SAA4: variants seen among roughly 807,000 people sequenced by gnomAD.
SAA4 encodes the protein serum amyloid A4, constitutive.
Under a neutral mutation model 11.2 loss-of-function variants are expected in SAA4, and 8 were observed. The observed-to-expected ratio is 0.71, with a 90% confidence interval of 0.42 to 1.29. The LOEUF (loss-of-function observed/expected upper bound fraction) is 1.29, where lower values mean the gene tolerates loss of function less well. SAA4 is among the 50% of genes most tolerant of loss of function. The pLI is 0.01. For missense variants in SAA4, 171 were observed against 164.2 expected (o/e 1.04, Z -0.23); for synonymous variants, 60 against 56.2 (o/e 1.07, Z -0.30).
rs1262176858 is a variant in SAA4 at position 18,235,948 on chromosome 11, CA to C, written c.-4-19del. The C allele has an allele frequency of 6.3e-7, 1 of 1,597,666 alleles. No homozygotes were observed. The highest frequency in any genetic ancestry group is 8.5e-7 in the Non-Finnish European group (1 of 1,171,756). ...TCATTGTGCTGAAGAGAAAGAAAGA[CA>C]GGGGCAGAGGATCATAAAAAAAAAC... On this transcript the variant is annotated intron_variant, in intron 1 of 3. Coordinates refer to ENST00000278222, the MANE Select transcript of SAA4 (RefSeq NM_006512.4).
At chr11:18,236,427 A>G (rs1365224443) in intron 1 of SAA4, among the ~76,000 whole-genome samples, 1 of 152,172 alleles carries the variant, frequency 6.6e-6, no homozygotes, top group East Asian at 1.9e-4. Flanking sequence ...TAACTGCATG[A>G]AAGATTGAAA....
rs1182886150 is a variant in SAA4, at chr11:18,231,415, C to A, written c.*87G>T. On this transcript the variant is annotated 3_prime_UTR_variant, in exon 4 of 4. Coordinates refer to ENST00000278222, the MANE Select transcript of SAA4 (RefSeq NM_006512.4). Reference sequence around the variant, plus strand: ...TGCCCTATACCAGTTCCTGGGGACACAAAGCTCAGTGACCCTGTGTCCCTG... The same window carrying A: ...TGCCCTATACCAGTTCCTGGGGACAAAAAGCTCAGTGACCCTGTGTCCCTG... 6.5e-7 allele frequency: 1 copy of A among 1,539,380 alleles called. No homozygotes were observed. Among genetic ancestry groups the A allele is most frequent in the Non-Finnish European group, 8.7e-7 (1 of 1,148,108 alleles).
chr11:18,231,403 T>C lies in SAA4; in HGVS notation c.*99A>G, dbSNP rs942678167. Reference sequence around the variant, plus strand: ...AACACCTCTAGGTGCCCTATACCAGTTCCTGGGGACACAAAGCTCAGTGAC... The same window carrying C: ...AACACCTCTAGGTGCCCTATACCAGCTCCTGGGGACACAAAGCTCAGTGAC... On this transcript the variant is annotated 3_prime_UTR_variant, in exon 4 of 4. Transcript: ENST00000278222. The C allele has an allele frequency of 8.5e-6, 13 of 1,525,454 alleles. No individual in the cohort carries two copies. The East Asian group carries it at 1.4e-4, about 16-fold the overall frequency. The allele number at this position is 1,525,454 out of a possible 1,614,324, so 94.5% of individuals were successfully genotyped here. A position where few individuals can be genotyped will look rare whatever the true frequency, so the allele number is the denominator to read the frequency against.
intron 1 of SAA4, among the ~76,000 whole-genome samples, chr11:18,236,351 T>A (rs1433518160): frequency 6.6e-6 from 1 of 151,948 alleles, no homozygotes; most frequent in Non-Finnish European, 1.5e-5. Flanking sequence ...CATGAGCCAC[T>A]GTGCCAGCCA....
chr11:18,232,489 T>C lies in SAA4; in HGVS notation c.136A>G (p.Asn46Asp). The C allele has an allele frequency of 1.2e-6, 2 of 1,614,150 alleles. No homozygotes were observed. Among genetic ancestry groups the C allele is most frequent in the Non-Finnish European group, 1.7e-6 (2 of 1,180,020 alleles). Reference sequence around the variant, plus strand: ...AGATATCTGTTTGAATTTTGGTGATTGGATATCATTATGTCCCAATAGGCT... The same window carrying C: ...AGATATCTGTTTGAATTTTGGTGATCGGATATCATTATGTCCCAATAGGCT... ...GRAYWDIMIS[N>D]HQNSNRYLYA... Residue 46 changes from asparagine to aspartate, a missense_variant, in exon 3 of 4, where the codon AAT becomes GAT. Asn to Asp is a conservative substitution (Grantham distance 23, BLOSUM62 1). Coordinates refer to ENST00000278222, the MANE Select transcript of SAA4 (RefSeq NM_006512.4).
chr11:18,234,834 C>T (rs754684197), intron 2 of SAA4, among the ~76,000 whole-genome samples: 16 of 152,144 alleles, frequency 1.1e-4, no homozygotes, highest in Non-Finnish European at 1.9e-4. Flanking sequence ...CAGAAAAACC[C>T]AAGACAGTTG....
At chr11:18,235,716 A>G in intron 2 of SAA4, 120 bp downstream of exon 2, 1 of 933,514 alleles carries the variant, frequency 1.1e-6, no homozygotes, top group Middle Eastern at 3.2e-4. Context: ...GATACAGAAA[A>G]CCACACTCCT....
In SAA4 at chr11:18,232,418, A is replaced by AC; in HGVS notation, c.206dup (p.Val70CysfsTer5). On this transcript the variant is annotated frameshift_variant, in exon 3 of 4. Transcript: ENST00000278222. LOFTEE classifies it low-confidence loss of function (END_TRUNC). ...ACCTGATGAGTTTAGCAGCCCAGAC[A>AC]CCCCCAGGTCCTCTTTGGGCAGCAT... The AC allele has an allele frequency of 6.2e-7, 1 of 1,613,550 alleles. No individual in the cohort carries two copies.
At chr11:18,232,575 C>T (rs772739021) in intron 2 of SAA4, 42 bp from the exon 3 acceptor site, 19 of 1,588,562 alleles carry the variant, frequency 1.2e-5, no homozygotes, top group Non-Finnish European at 1.6e-5. Context: ...CAGTGACATA[C>T]TGGAGAAATG....
Position 18,231,589 on chromosome 11 carries a change from C to A in SAA4, c.306G>T (p.Ser102=). ...ATTCCTCAGCTTTCTCGTTGGACTT[C>A]GAGTCCTCCAATACAGTGCTGCTGT... ...FGNSSTVLED[S]KSNEKAEEWG... Residue 102 remains serine (S), a synonymous_variant, in exon 4 of 4, where the codon TCG becomes TCT. Coordinates refer to ENST00000278222, the MANE Select transcript of SAA4 (RefSeq NM_006512.4). 2 of 1,614,168 alleles carry A rather than the reference C, an allele frequency of 1.2e-6. No homozygotes were observed. The highest frequency in any genetic ancestry group is 1.7e-6 in the Non-Finnish European group (2 of 1,180,040).
Position 18,231,362 on chromosome 11 carries a change from T to C in SAA4, c.*140A>G. 7.6e-7 allele frequency: 1 copy of C among 1,315,936 alleles called. No individual in the cohort carries two copies. The highest frequency in any genetic ancestry group is 1.5e-5 in the South Asian group (1 of 65,188). The allele number at this position is 1,315,936 out of a possible 1,614,324, so 81.5% of individuals were successfully genotyped here. A position where few individuals can be genotyped will look rare whatever the true frequency, so the allele number is the denominator to read the frequency against. On this transcript the variant is annotated 3_prime_UTR_variant, in exon 4 of 4. Coordinates refer to ENST00000278222, the MANE Select transcript of SAA4 (RefSeq NM_006512.4). ...CCAGTTTCCACCAACAAATTCAATT[T>C]GACAAACATTTATTGAACACCTCTA...
At chr11:18,235,782 C>G in intron 2 of SAA4, 54 bp downstream of exon 2, 1 of 1,571,262 alleles carries the variant, frequency 6.4e-7, no homozygotes, top group Non-Finnish European at 8.7e-7. Flanking sequence ...GAGTATGTGG[C>G]CCCTGCTCAG....
chr11:18,232,080 G>A (rs1857143366), intron 3 of SAA4, among the ~76,000 whole-genome samples: 1 of 151,878 alleles, frequency 6.6e-6, no homozygotes, highest in Admixed American at 6.6e-5. Context: ...TAAGAGTCTT[G>A]CTATGTTGCC....
At chr11:18,236,039 T>G (rs1857204244) in intron 1 of SAA4, 109 bp from the exon 2 acceptor site, 1 of 1,117,194 alleles carries the variant, frequency 9.0e-7, no homozygotes, top group South Asian at 1.7e-5. Context: ...CTTTTCTTTC[T>G]TTCTCCTTCC....
intron 2 of SAA4, among the ~76,000 whole-genome samples, 193 bp downstream of exon 2, chr11:18,235,643 T>G (rs187546919): frequency 9.2e-5 from 14 of 152,260 alleles, no homozygotes; most frequent in Admixed American, 4.6e-4. Context: ...AAAGCATCTT[T>G]AACCTCTCGT....
intron 3 of SAA4, 65 bp from the exon 4 acceptor site, chr11:18,231,729 C>T: frequency 1.2e-5 from 18 of 1,534,892 alleles, no homozygotes; most frequent in Non-Finnish European, 1.5e-5. Context: ...TGAGACAGCT[C>T]CACCTGCTAA....
intron 2 of SAA4, 26 bp from the exon 3 acceptor site, chr11:18,232,559 T>A: frequency 1.2e-6 from 2 of 1,605,822 alleles, no homozygotes; most frequent in Non-Finnish European, 1.7e-6. Context: ...ATGACAAAAA[T>A]GAACCCAGTG....
intron 2 of SAA4, 64 bp downstream of exon 2, chr11:18,235,768 CAGTG>C: frequency 2.0e-6 from 3 of 1,478,096 alleles, no homozygotes; most frequent in Non-Finnish European, 2.8e-6. Context: ...CACTCACATC[CAGTG>C]AGTATGTGGC....
chr11:18,234,300 A>G (rs1857180151), intron 2 of SAA4, among the ~76,000 whole-genome samples: 1 of 152,250 alleles, frequency 6.6e-6, no homozygotes, highest in Admixed American at 6.5e-5. Context: ...GGAAGAGGGC[A>G]TGAGAGACCC....
Sources: gnomAD v4.1 joint callset for allele counts (sites outside exome capture counted in the v4.1 genomes callset) on GRCh38, gnomAD v4.1.1 for gene constraint, MANE v1.5 for transcripts, NCBI Gene and HGNC (gene_info 2026-07-23, HGNC 2026-07-21) for gene names.